The following GRIK2 variants were observed in gnomAD, a reference collection of about 807,000 sequenced individuals.
GRIK2 encodes glutamate ionotropic receptor kainate type subunit 2, also known as glutamate receptor ionotropic, kainate 2.
Under a neutral mutation model 100.3 loss-of-function variants are expected in GRIK2, and 32 were observed. That is an observed-to-expected ratio of 0.32 (90% confidence interval 0.24 to 0.43). The LOEUF (loss-of-function observed/expected upper bound fraction) is 0.43, where lower values mean the gene tolerates loss of function less well. Among genes scored for constraint, GRIK2 ranks in the 20% least tolerant of loss-of-function variants. The pLI, the probability that GRIK2 is intolerant of heterozygous loss-of-function variation, is 1.00. For missense variants in GRIK2, 843 were observed against 1,114.9 expected, an observed-to-expected ratio of 0.76 and a Z score of 3.47; for synonymous variants, 417 against 389.4, an observed-to-expected ratio of 1.07 and a Z score of -0.83.
chr6:101,405,169 A>C (rs1775529752), intron 2 of GRIK2, among the ~76,000 whole-genome samples: 1 of 152,194 alleles, frequency 6.6e-6, no homozygotes, highest in African/African-American at 2.4e-5. Flanking sequence ...GATTAGCACT[A>C]TATAGTCTTT....
chr6:101,928,768 G>T, intron 14 of GRIK2, 136 bp downstream of exon 14: 1 of 620,322 alleles, frequency 1.6e-6, no homozygotes, highest in Non-Finnish European at 2.9e-6. Context: ...CTCAAGGGGT[G>T]GAGAGGTGTA....
intron 5 of GRIK2, among the ~76,000 whole-genome samples, chr6:101,678,532 T>C (rs75182156): frequency 0.03 from 4,545 of 152,190 alleles, 233 homozygotes; most frequent in African/African-American, 0.1. Context: ...ACCACAAATA[T>C]GGTGGTGTTA....
At chr6:101,759,615 A>G (rs147109926) in intron 7 of GRIK2, among the ~76,000 whole-genome samples, 52 of 152,230 alleles carry the variant, frequency 3.4e-4, no homozygotes, top group African/African-American at 1.2e-3. Context: ...AGATTCAGCA[A>G]TGGTCATTTG....
chr6:101,554,026 C>T (rs1776628081), intron 2 of GRIK2, among the ~76,000 whole-genome samples: 1 of 152,114 alleles, frequency 6.6e-6, no homozygotes, highest in Admixed American at 6.5e-5. Flanking sequence ...GGAATCTTGA[C>T]CCAAGAACAG....
intron 4 of GRIK2, among the ~76,000 whole-genome samples, chr6:101,659,316 G>A (rs1236100318): frequency 6.6e-6 from 1 of 152,120 alleles, no homozygotes; most frequent in Non-Finnish European, 1.5e-5. Flanking sequence ...CCAGATAGTT[G>A]CTTGCAGATG....
chr6:101,559,075 T>G (rs939213150), intron 2 of GRIK2, among the ~76,000 whole-genome samples: 1 of 152,164 alleles, frequency 6.6e-6, no homozygotes, highest in African/African-American at 2.4e-5. Flanking sequence ...AGTCATTCTC[T>G]TAAAATACTT....
At chr6:101,433,908 C>A (rs530168792) in intron 2 of GRIK2, among the ~76,000 whole-genome samples, 3 of 152,126 alleles carry the variant, frequency 2.0e-5, no homozygotes, top group Non-Finnish European at 4.4e-5. Context: ...TTTTATGAGT[C>A]GTACAGGCCA....
chr6:101,810,989 G>A (rs776213560), intron 9 of GRIK2, among the ~76,000 whole-genome samples: 2 of 152,034 alleles, frequency 1.3e-5, no homozygotes, highest in African/African-American at 4.8e-5. Context: ...TCTTTCATAC[G>A]TAAATCAGCA....
rs5878668 is a variant in GRIK2 at position 101,505,060 on chromosome 6, GTT to G, written c.115+105678_115+105679del. Among the ~76,000 whole-genome samples, 164 of 145,068 alleles carry G rather than the reference GTT, an allele frequency of 1.1e-3. 1 individual carries two copies. The highest frequency in any genetic ancestry group is 3.0e-3 in the South Asian group (14 of 4,664). ...AGCTACTTGTCATTAAGTTTTTTTT[GTT>G]TTTTTTTTTGTCGTTTTTTTACTTG... On this transcript the variant is annotated intron_variant, in intron 2 of 16. Coordinates refer to ENST00000369134, the MANE Select transcript of GRIK2 (RefSeq NM_021956.5).
At chr6:101,568,897 A>G (rs2128298309) in intron 2 of GRIK2, among the ~76,000 whole-genome samples, 1 of 146,422 alleles carries the variant, frequency 6.8e-6, no homozygotes, top group African/African-American at 2.5e-5. Context: ...ACAGCAATGG[A>G]AGCTGTCATA....
intron 4 of GRIK2, among the ~76,000 whole-genome samples, chr6:101,640,860 A>G (rs1485999627): frequency 6.6e-6 from 1 of 152,148 alleles, no homozygotes; most frequent in African/African-American, 2.4e-5. Flanking sequence ...TTTGAAACAA[A>G]TTGACATTAA....
At chr6:101,429,622 G>T (rs995769514) in intron 2 of GRIK2, among the ~76,000 whole-genome samples, 2 of 152,230 alleles carry the variant, frequency 1.3e-5, no homozygotes, top group African/African-American at 4.8e-5. Flanking sequence ...GAGGTCTCTG[G>T]CCTATAAGAA....
intron 2 of GRIK2, among the ~76,000 whole-genome samples, chr6:101,486,439 G>T (rs1772838444): frequency 1.3e-5 from 2 of 151,792 alleles, no homozygotes; most frequent in South Asian, 4.2e-4. Context: ...AAATTAAGGG[G>T]TTTTCCTTCT....
chr6:101,765,610 G>A (rs9322607), intron 7 of GRIK2, among the ~76,000 whole-genome samples: 326 of 152,164 alleles, frequency 2.1e-3, no homozygotes, highest in African/African-American at 7.6e-3. Flanking sequence ...CTAGCCTGGA[G>A]GCAGGTACCT....
chr6:101,986,771 T>C (rs912426646), intron 14 of GRIK2, among the ~76,000 whole-genome samples: 1 of 151,852 alleles, frequency 6.6e-6, no homozygotes, highest in African/African-American at 2.4e-5. Flanking sequence ...TCCCCAGCAC[T>C]CACTGGTTGA....
chr6:101,883,224 TA>T lies in GRIK2; in HGVS notation c.1525-6412del, dbSNP rs1786379611. Among the ~76,000 whole-genome samples the T allele has an allele frequency of 6.0e-5, 9 of 149,942 alleles. No individual in the cohort carries two copies. In the East Asian group the frequency reaches 1.8e-3, roughly 29 times the overall value. Reference sequence around the variant, plus strand: ...AACAAAAATGACCCAACAGCTAATCTAAAAGAAGTATTTGGGTGAAAAAAAA... The same window carrying T: ...AACAAAAATGACCCAACAGCTAATCTAAAGAAGTATTTGGGTGAAAAAAAA... On this transcript the variant is annotated intron_variant, in intron 11 of 16. Coordinates refer to ENST00000369134, the MANE Select transcript of GRIK2 (RefSeq NM_021956.5).
At chr6:101,835,443 G>T (rs951227428) in intron 10 of GRIK2, among the ~76,000 whole-genome samples, 7 of 147,102 alleles carry the variant, frequency 4.8e-5, no homozygotes, top group Non-Finnish European at 3.0e-5. Flanking sequence ...ATAAAAAGAG[G>T]TACAGATTAC....
chr6:101,945,268 T>A (rs1791203491), intron 14 of GRIK2, among the ~76,000 whole-genome samples: 1 of 152,124 alleles, frequency 6.6e-6, no homozygotes, highest in South Asian at 2.1e-4. Context: ...CAGTGTAAAA[T>A]TTACGTTGGA....
At chr6:101,908,153 TTTA>T (rs1342539300) in intron 12 of GRIK2, among the ~76,000 whole-genome samples, 1 of 151,604 alleles carries the variant, frequency 6.6e-6, no homozygotes, top group Non-Finnish European at 1.5e-5. Flanking sequence ...GAAAATTTTA[TTTA>T]TTATATTGTA....
Sources: allele counts gnomAD v4.1 joint callset (sites outside exome capture counted in the v4.1 genomes callset), GRCh38; gene constraint gnomAD v4.1.1; transcripts MANE v1.5; gene names NCBI Gene and HGNC (gene_info 2026-07-23, HGNC 2026-07-21).